The following PGR variants were observed in gnomAD, a reference collection of about 807,000 sequenced individuals.
The protein encoded by PGR is progesterone receptor, also known as nuclear receptor subfamily 3 group C member 3.
A neutral mutation model predicts 76.1 loss-of-function variants in PGR; 25 were observed. The observed-to-expected ratio is 0.33, with a 90% CI of 0.24 to 0.46. PGR has a LOEUF of 0.46. Ranked by LOEUF, PGR falls within the 20% of genes least tolerant of loss-of-function variation. The pLI, the probability that PGR is intolerant of heterozygous loss-of-function variation, is 1.00. For synonymous variants in PGR, 579 were observed against 535.0 expected (o/e 1.08, Z -1.14); for missense variants, 1,172 against 1,225.3 (o/e 0.96, Z 0.65).
intron 2 of PGR, among the ~76,000 whole-genome samples, chr11:101,099,237 G>T (rs1297263696): frequency 6.6e-6 from 1 of 152,186 alleles, no homozygotes; most frequent in African/African-American, 2.4e-5. Flanking sequence ...ACAGCAATGA[G>T]AATAAATGTC....
Position 101,128,281 on chromosome 11 carries a change from C to G in PGR, c.790G>C (p.Gly264Arg). The change falls in exon 1 of 8, where the codon GGC becomes CGC. Residue 264 changes from glycine (G) to arginine (R), a missense_variant. Transcript: ENST00000325455. The part of the protein sequence containing the change: ...AAVPPGAAAG[G>R]VALVPKEDSR... ...TCTTCCTTGGGGACCAGGGCGACGC[C>G]TCCTGCTGCCGCCCCCGGCGGGACA... 1 of 1,591,164 alleles carries G rather than the reference C, an allele frequency of 6.3e-7. No homozygotes were observed. Among genetic ancestry groups the G allele is most frequent in the Non-Finnish European group, 8.5e-7 (1 of 1,175,038 alleles).
In PGR at chr11:101,118,677, C is replaced by A. The variant is rs1392235287; in HGVS notation, c.1789+7330G>T. Among the ~76,000 whole-genome samples the A allele has an allele frequency of 2.0e-5, 3 of 152,020 alleles. No individual in the cohort carries two copies. In the East Asian group the frequency reaches 5.8e-4, roughly 29 times the overall value. The stretch of plus-strand genomic sequence containing the variant: ...GCAGGAGTTAAAATAAAAAGGAAAA[C>A]CCAATAGGCTATTTACATATCACTT... On this transcript the variant is annotated intron_variant, in intron 2 of 7. Transcript: ENST00000325455.
chr11:101,111,047 T>A (rs183318181), intron 2 of PGR, among the ~76,000 whole-genome samples: 1 of 152,356 alleles, frequency 6.6e-6, no homozygotes, highest in East Asian at 1.9e-4. Context: ...ACATAACTTT[T>A]TTAGATACCA....
At chr11:101,053,630 T>TCCTCCTTTCTTCCCTCCCCTTTTC in intron 4 of PGR, among the ~76,000 whole-genome samples, 1 of 96,124 alleles carries the variant, frequency 1.0e-5, no homozygotes, top group South Asian at 3.3e-4. Flanking sequence ...CTCCCCTTCT[T>TCCTCCTTTCTTCCCTCCCCTTTTC]CCTCCTTTCT....
intron 2 of PGR, among the ~76,000 whole-genome samples, chr11:101,125,608 CAT>C (rs1439928386): frequency 1.3e-5 from 2 of 152,106 alleles, no homozygotes; most frequent in Non-Finnish European, 1.5e-5. Context: ...CATACATGTA[CAT>C]ATGTGTCAAC....
At chr11:101,093,290 A>G (rs1405188482) in intron 2 of PGR, among the ~76,000 whole-genome samples, 1 of 151,330 alleles carries the variant, frequency 6.6e-6, no homozygotes, top group Admixed American at 6.6e-5. Context: ...TGTACTGCAT[A>G]CTACTTTCTG....
Position 101,035,650 on chromosome 11 carries a change from A to G in PGR, c.*3466T>C, listed in dbSNP as rs576697585. Reference sequence around the variant, plus strand: ...TAAAAAGACACTTAAAAATGTTAAAATCAGTGTCATTATTTTAAAATGTCT... The same window carrying G: ...TAAAAAGACACTTAAAAATGTTAAAGTCAGTGTCATTATTTTAAAATGTCT... On this transcript the variant is annotated 3_prime_UTR_variant, in exon 8 of 8. Coordinates refer to ENST00000325455, the MANE Select transcript of PGR (RefSeq NM_000926.4). The G allele has an allele frequency of 2.2e-5, 5 of 231,704 alleles. No homozygotes were observed. The highest frequency in any genetic ancestry group is 4.3e-5 in the Non-Finnish European group (5 of 117,220). The allele number at this position is 231,704 out of a possible 1,614,324, so 14.4% of individuals were successfully genotyped here.
rs1861605786 is a variant in PGR, at chr11:101,089,524, G to C, written c.1906+2236C>G. 2.0e-5 allele frequency among the ~76,000 whole-genome samples: 3 copies of C among 152,214 alleles called. No homozygotes were observed. The South Asian group carries it at 6.2e-4, about 32-fold the overall frequency. ...TCATTATTTGACATGTACATTTGTTGCTCGTCCTCCCACAGTGTAAGATCT... is the reference window on the plus strand; with the variant it reads ...TCATTATTTGACATGTACATTTGTTCCTCGTCCTCCCACAGTGTAAGATCT... On this transcript the variant is annotated intron_variant, in intron 3 of 7. Transcript: ENST00000325455.
chr11:101,063,833 G>C (rs1387791529), intron 3 of PGR: 2 of 152,150 alleles, frequency 1.3e-5, no homozygotes, highest in Non-Finnish European at 2.9e-5. Context: ...TTAAAGTTTA[G>C]TTGCAATGGT....
Position 101,034,978 on chromosome 11 carries a change from T to G in PGR, c.*4138A>C, listed in dbSNP as rs473409. 0.28 allele frequency: 54,630 copies of G among 193,660 alleles called. 7,971 individuals are homozygous for G. Among genetic ancestry groups the G allele is most frequent in the African/African-American group, 0.37 (15,961 of 43,174 alleles). 12.0% of individuals were successfully genotyped at this position (193,660 alleles called of 1,614,324 possible). A position where few individuals can be genotyped will look rare whatever the true frequency, so the allele number is the denominator to read the frequency against. On this transcript the variant is annotated 3_prime_UTR_variant, in exon 8 of 8. Coordinates refer to ENST00000325455, the MANE Select transcript of PGR (RefSeq NM_000926.4). Reference sequence around the variant, plus strand: ...CAAAACCTAGGTGATGTTCTTTTCATTAAAATGATTTCATGACTTAGTGAA... The same window carrying G: ...CAAAACCTAGGTGATGTTCTTTTCAGTAAAATGATTTCATGACTTAGTGAA...
chr11:101,077,421 G>C (rs1282758693), intron 3 of PGR, among the ~76,000 whole-genome samples: 1 of 152,092 alleles, frequency 6.6e-6, no homozygotes, highest in Admixed American at 6.6e-5. Flanking sequence ...AAAGATGCTA[G>C]ACAACAGGAA....
At chr11:101,073,118 AAC>A (rs1288312844) in intron 3 of PGR, among the ~76,000 whole-genome samples, 6 of 152,202 alleles carry the variant, frequency 3.9e-5, no homozygotes, top group Admixed American at 3.9e-4. Flanking sequence ...AATAATAACA[AAC>A]AGTTTCTCAG....
intron 4 of PGR, among the ~76,000 whole-genome samples, chr11:101,055,347 C>T (rs1336348790): frequency 7.7e-6 from 1 of 130,684 alleles, no homozygotes; most frequent in Non-Finnish European, 1.5e-5. Flanking sequence ...ACCCAGGAGG[C>T]TGAGGTTGCA....
intron 3 of PGR, among the ~76,000 whole-genome samples, chr11:101,082,071 T>C (rs1323110563): frequency 2.0e-5 from 3 of 152,150 alleles, no homozygotes; most frequent in African/African-American, 4.8e-5. Flanking sequence ...GTTGTGATAA[T>C]GAGTGAGCTC....
At chr11:101,092,366 CAGA>C (rs1861701795) in intron 2 of PGR, among the ~76,000 whole-genome samples, 1 of 152,104 alleles carries the variant, frequency 6.6e-6, no homozygotes, top group African/African-American at 2.4e-5. Flanking sequence ...GGAAAAATCC[CAGA>C]GCTGGTTCTC....
chr11:101,127,382 A>G (rs755358807), intron 1 of PGR, 52 bp downstream of exon 1: 17 of 1,375,666 alleles, frequency 1.2e-5, no homozygotes, highest in Non-Finnish European at 1.5e-5. Context: ...GCCGCCGCCA[A>G]CGGAACCGCT....
intron 3 of PGR, 143 bp downstream of exon 3, chr11:101,091,617 A>ACACT (rs1451490279): frequency 1.5e-6 from 1 of 669,724 alleles, no homozygotes; most frequent in African/African-American, 1.8e-5. Flanking sequence ...CTTCATTCAG[A>ACACT]CACTCACATG....
intron 2 of PGR, among the ~76,000 whole-genome samples, chr11:101,099,115 A>C (rs1861922524): frequency 1.3e-5 from 2 of 152,212 alleles, no homozygotes; most frequent in South Asian, 4.1e-4. Flanking sequence ...GATTTGTACA[A>C]GAATATTTAT....
At chr11:101,110,604 G>A (rs1565363730) in intron 2 of PGR, among the ~76,000 whole-genome samples, 1 of 152,208 alleles carries the variant, frequency 6.6e-6, no homozygotes, top group Non-Finnish European at 1.5e-5. Flanking sequence ...TGAAGACGCT[G>A]TGAGCATTGT....
Sources: allele counts gnomAD v4.1 joint callset (sites outside exome capture counted in the v4.1 genomes callset), GRCh38; gene constraint gnomAD v4.1.1; transcripts MANE v1.5; gene names NCBI Gene and HGNC (gene_info 2026-07-23, HGNC 2026-07-21).